The following PVT1 variants were observed in gnomAD, a reference collection of about 807,000 sequenced individuals.
PVT1 encodes Pvt1 oncogene.
chr8:128,060,789 A>AAGCTG (rs1813820696), intron 4 of PVT1, among the ~76,000 whole-genome samples: 2 of 152,144 alleles, frequency 1.3e-5, no homozygotes, highest in Non-Finnish European at 2.9e-5. Context: ...TTAAGATATA[A>AAGCTG]TTTACATACC....
chr8:128,079,053 T>C (rs1238210488), intron 5 of PVT1, among the ~76,000 whole-genome samples: 1 of 151,798 alleles, frequency 6.6e-6, no homozygotes, highest in Non-Finnish European at 1.5e-5. Context: ...GATTTCCAAT[T>C]TTTTTTTCCA....
chr8:128,034,981 A>G (rs1177585848), intron 4 of PVT1, among the ~76,000 whole-genome samples: 3 of 152,252 alleles, frequency 2.0e-5, no homozygotes, highest in African/African-American at 2.4e-5. Context: ...AAGTCCTGGC[A>G]TGAGCAGTAG....
intron 3 of PVT1, among the ~76,000 whole-genome samples, chr8:127,966,719 C>T (rs142460918): frequency 6.6e-6 from 1 of 152,294 alleles, no homozygotes; most frequent in Non-Finnish European, 1.5e-5. Context: ...CCTATGTAGC[C>T]AGTGGCCACC....
intron 2 of PVT1, among the ~76,000 whole-genome samples, chr8:127,833,152 A>G (rs1275966788): frequency 1.3e-5 from 2 of 152,146 alleles, no homozygotes; most frequent in African/African-American, 4.8e-5. Flanking sequence ...GTTGGGCCCT[A>G]TGGAGCCAAA....
At chr8:127,956,464 A>AT (rs1816570108) in intron 3 of PVT1, among the ~76,000 whole-genome samples, 1 of 152,160 alleles carries the variant, frequency 6.6e-6, no homozygotes, top group East Asian at 1.9e-4. Context: ...CTGCAGTTTA[A>AT]TTTTTTGTTG....
chr8:127,917,615 G>C (rs761944068), intron 3 of PVT1, among the ~76,000 whole-genome samples: 12 of 152,230 alleles, frequency 7.9e-5, no homozygotes, highest in Non-Finnish European at 1.8e-4. Flanking sequence ...TAGAGGGGCC[G>C]GTCAGCCCTC....
rs114322689 is a variant in PVT1, at chr8:127,874,014, G to A, written n.373-16575G>A. ...TGGGAGATGTAGAATTTAAGGCTGT[G>A]TAGTCACTGTCCTCAAGCTGCTCAC... On this transcript the variant is annotated intron_variant and non_coding_transcript_variant, in intron 2 of 10. Coordinates refer to ENST00000651587, the Ensembl canonical transcript of PVT1. Among the ~76,000 whole-genome samples, 959 of 152,350 alleles carry A rather than the reference G, an allele frequency of 6.3e-3. 11 individuals are homozygous for A. The highest frequency in any genetic ancestry group is 0.022 in the African/African-American group (903 of 41,592).
At chr8:127,881,489 C>A (rs1399813436) in intron 2 of PVT1, among the ~76,000 whole-genome samples, 3 of 148,884 alleles carry the variant, frequency 2.0e-5, no homozygotes, top group African/African-American at 5.0e-5. Context: ...TCACTCTTGT[C>A]GCCCAGGTTG....
chr8:127,987,056 C>T (rs544072838), intron 3 of PVT1, among the ~76,000 whole-genome samples: 1 of 152,120 alleles, frequency 6.6e-6, no homozygotes, highest in Non-Finnish European at 1.5e-5. Context: ...CTTTAGTTTC[C>T]ACATCTGTAA....
rs5894902 is a variant in PVT1, at chr8:127,921,339, T to TA, written n.782+30352dup. Among the ~76,000 whole-genome samples, 593 of 150,418 alleles carry TA rather than the reference T, an allele frequency of 3.9e-3. 4 individuals carry two copies. The highest frequency in any genetic ancestry group is 0.013 in the African/African-American group (545 of 40,992). On this transcript the variant is annotated intron_variant and non_coding_transcript_variant, in intron 3 of 10. Coordinates refer to ENST00000651587, the Ensembl canonical transcript of PVT1. The stretch of plus-strand genomic sequence containing the variant: ...TCAAGGGAAAGTGATTTAAAAATGT[T>TA]AAAAAAAAAAAGTTAAGAGAGGTCT...
intron 2 of PVT1, among the ~76,000 whole-genome samples, chr8:127,879,243 C>A (rs958867973): frequency 2.0e-5 from 3 of 152,122 alleles, no homozygotes; most frequent in Non-Finnish European, 4.4e-5. Flanking sequence ...GAACAAAGAC[C>A]CAGGGCTGGG....
At chr8:127,966,338 A>G (rs1457244885) in intron 3 of PVT1, among the ~76,000 whole-genome samples, 1 of 152,178 alleles carries the variant, frequency 6.6e-6, no homozygotes, top group Non-Finnish European at 1.5e-5. Flanking sequence ...TGAATTGCTG[A>G]GGTTCATGCA....
At chr8:128,078,837 A>G (rs1814130699) in intron 5 of PVT1, among the ~76,000 whole-genome samples, 1 of 152,140 alleles carries the variant, frequency 6.6e-6, no homozygotes, top group Non-Finnish European at 1.5e-5. Flanking sequence ...CTAGGCTGCC[A>G]TGCAGTGGCG....
chr8:128,081,141 T>G, intron 5 of PVT1, among the ~76,000 whole-genome samples: 1 of 152,194 alleles, frequency 6.6e-6, no homozygotes, highest in Non-Finnish European at 1.5e-5. Flanking sequence ...AGTTGAGTAG[T>G]GTCAGTCCTC....
rs543256904 is a variant in PVT1 at position 127,961,497 on chromosome 8, G to A, written n.783-27665G>A. Reference sequence around the variant, plus strand: ...ATGCGGAGGTGATGGGGATTGTTTGGGCTGGAGTCTGGAGGGGCTGTGCCC... The same window carrying A: ...ATGCGGAGGTGATGGGGATTGTTTGAGCTGGAGTCTGGAGGGGCTGTGCCC... On this transcript the variant is annotated intron_variant and non_coding_transcript_variant, in intron 3 of 10. Coordinates refer to ENST00000651587, the Ensembl canonical transcript of PVT1. Among the ~76,000 whole-genome samples the A allele has an allele frequency of 3.9e-5, 6 of 152,310 alleles. 1 individual carries two copies. In the South Asian group the frequency reaches 1.2e-3, roughly 32 times the overall value.
At chr8:128,022,610 T>A (rs957084904) in intron 4 of PVT1, among the ~76,000 whole-genome samples, 1 of 152,232 alleles carries the variant, frequency 6.6e-6, no homozygotes, top group Non-Finnish European at 1.5e-5. Context: ...CTCTCCTTTG[T>A]ACCCATGATA....
intron 2 of PVT1, among the ~76,000 whole-genome samples, chr8:127,838,753 A>G (rs1016785630): frequency 6.6e-6 from 1 of 152,202 alleles, no homozygotes; most frequent in African/African-American, 2.4e-5. Context: ...GTTTACTACT[A>G]TGTGCCAGAC....
chr8:127,938,773 C>G (rs762726086), intron 3 of PVT1, among the ~76,000 whole-genome samples: 1 of 152,178 alleles, frequency 6.6e-6, no homozygotes. Flanking sequence ...ATTGCCTTTG[C>G]GTTCCTCTGC....
At chr8:128,066,824 G>A (rs547275039) in intron 4 of PVT1, among the ~76,000 whole-genome samples, 19 of 152,252 alleles carry the variant, frequency 1.2e-4, no homozygotes, top group African/African-American at 4.6e-4. Flanking sequence ...TGCTTTATGT[G>A]GTCTTCACTC....
Sources: gnomAD v4.1 joint callset for allele counts (sites outside exome capture counted in the v4.1 genomes callset) on GRCh38, gnomAD v4.1.1 for gene constraint, MANE v1.5 for transcripts, NCBI Gene and HGNC (gene_info 2026-07-23, HGNC 2026-07-21) for gene names.